RBFOX1: variants seen among roughly 807,000 people sequenced by gnomAD.
RBFOX1 encodes RNA binding fox-1 homolog 1.
Under a neutral mutation model 57.7 loss-of-function variants are expected in RBFOX1, and 8 were observed. The observed-to-expected ratio is 0.14, with a 90% CI of 0.08 to 0.25. The LOEUF (loss-of-function observed/expected upper bound fraction) is 0.25, where lower values mean the gene tolerates loss of function less well. Among genes scored for constraint, RBFOX1 ranks in the 10% least tolerant of loss-of-function variants. RBFOX1 has a pLI of 1.00. For synonymous variants in RBFOX1, 326 were observed against 222.4 expected (o/e 1.47, Z -4.15); for missense variants, 611 against 548.5 (o/e 1.11, Z -1.14).
intron 1 of RBFOX1, among the ~76,000 whole-genome samples, chr16:6,045,655 T>C (rs1489700757): frequency 6.6e-6 from 1 of 151,856 alleles, no homozygotes; most frequent in Non-Finnish European, 1.5e-5. Context: ...GTGAATGGAG[T>C]AGAAATAGAT....
chr16:7,353,030 A>G (rs1006150058), intron 4 of RBFOX1, among the ~76,000 whole-genome samples: 1 of 152,024 alleles, frequency 6.6e-6, no homozygotes, highest in Non-Finnish European at 1.5e-5. Flanking sequence ...CCACTTTTCC[A>G]TATGGCTTCA....
intron 3 of RBFOX1, among the ~76,000 whole-genome samples, chr16:6,817,418 A>G (rs111502697): frequency 3.2e-4 from 49 of 151,822 alleles, no homozygotes; most frequent in African/African-American, 1.1e-3. Flanking sequence ...TTTTAGCTGG[A>G]CGCAGTGGCT....
At position 7,196,070 on chromosome 16, in the gene RBFOX1, A is replaced by G. The variant is rs561960239; in HGVS notation, c.27+143972A>G. ...CCTCCCATAGGGAGTTTTAATTATT[A>G]TTATTATTGTTATTATTATTGTTTG... On this transcript the variant is annotated intron_variant, in intron 4 of 15. Coordinates refer to ENST00000550418, the MANE Select transcript of RBFOX1 (RefSeq NM_018723.4). Among the ~76,000 whole-genome samples, 3 of 151,768 alleles carry G rather than the reference A, an allele frequency of 2.0e-5. No individual in the cohort carries two copies. In the South Asian group the frequency reaches 6.3e-4, roughly 32 times the overall value.
At chr16:6,874,123 T>C (rs942567921) in intron 3 of RBFOX1, 3 of 152,128 alleles carry the variant, frequency 2.0e-5, no homozygotes, top group Admixed American at 6.5e-5. Flanking sequence ...TTCAGAAATA[T>C]GGAACCAGCC....
intron 4 of RBFOX1, among the ~76,000 whole-genome samples, chr16:7,359,894 G>A (rs1035606137): frequency 6.6e-6 from 1 of 151,834 alleles, no homozygotes; most frequent in African/African-American, 2.4e-5. Flanking sequence ...TGAGGCAGGG[G>A]AATGGTGTGA....
intron 4 of RBFOX1, among the ~76,000 whole-genome samples, chr16:7,127,537 T>G (rs184670968): frequency 6.6e-6 from 1 of 152,328 alleles, no homozygotes; most frequent in East Asian, 1.9e-4. Context: ...ATATGGTGTG[T>G]ACTGTATGTG....
intron 3 of RBFOX1, among the ~76,000 whole-genome samples, chr16:7,039,006 A>G (rs543858349): frequency 5.3e-5 from 8 of 150,854 alleles, no homozygotes; most frequent in African/African-American, 1.5e-4. Flanking sequence ...CTCTCTTGAT[A>G]TAAGTACCAT....
At chr16:7,535,793 C>G (rs2081327016) in intron 5 of RBFOX1, among the ~76,000 whole-genome samples, 1 of 152,168 alleles carries the variant, frequency 6.6e-6, no homozygotes, top group Non-Finnish European at 1.5e-5. Flanking sequence ...TGGCATAAAG[C>G]TATAAACTTT....
intron 3 of RBFOX1, among the ~76,000 whole-genome samples, chr16:5,783,984 T>A (rs1039831961): frequency 2.0e-5 from 3 of 152,196 alleles, no homozygotes; most frequent in Admixed American, 6.5e-5. Flanking sequence ...TACCTTGCTG[T>A]AAAAACTTAC....
At chr16:7,439,073 C>G (rs914115193) in intron 4 of RBFOX1, among the ~76,000 whole-genome samples, 1 of 152,026 alleles carries the variant, frequency 6.6e-6, no homozygotes, top group African/African-American at 2.4e-5. Flanking sequence ...CAGAGTCTCT[C>G]TGTGCACTCT....
intron 3 of RBFOX1, among the ~76,000 whole-genome samples, chr16:5,619,173 A>T (rs2048132189): frequency 6.6e-6 from 1 of 152,176 alleles, no homozygotes; most frequent in Admixed American, 6.5e-5. Flanking sequence ...CCTCAGCTCT[A>T]AGGCTATGTT....
intron 4 of RBFOX1, among the ~76,000 whole-genome samples, chr16:7,077,700 G>C (rs1196351737): frequency 6.6e-6 from 1 of 152,122 alleles, no homozygotes; most frequent in Non-Finnish European, 1.5e-5. Context: ...TATCTGTCGG[G>C]TTGATAGAAA....
chr16:5,794,942 G>A (rs2054827133), intron 3 of RBFOX1, among the ~76,000 whole-genome samples: 1 of 152,106 alleles, frequency 6.6e-6, no homozygotes. Flanking sequence ...AATTCCCCAG[G>A]CACACACCCA....
chr16:5,428,304 C>T (rs908289287), intron 1 of RBFOX1, among the ~76,000 whole-genome samples: 2 of 152,184 alleles, frequency 1.3e-5, no homozygotes, highest in Admixed American at 6.5e-5. Context: ...GAGGTTCAAG[C>T]ATCCAGCACA....
chr16:6,848,144 A>T (rs1373791800), intron 3 of RBFOX1, among the ~76,000 whole-genome samples: 2 of 151,938 alleles, frequency 1.3e-5, no homozygotes, highest in African/African-American at 4.8e-5. Context: ...AAGACTGTCT[A>T]ATGCTGTGTT....
At chr16:6,622,216 A>C (rs982176184) in intron 2 of RBFOX1, among the ~76,000 whole-genome samples, 1 of 152,216 alleles carries the variant, frequency 6.6e-6, no homozygotes, top group Non-Finnish European at 1.5e-5. Context: ...GGCATCTCTT[A>C]AGTATAGTTC....
intron 2 of RBFOX1, among the ~76,000 whole-genome samples, chr16:6,450,837 G>GTATATATATA (rs1555480732): frequency 0.11 from 2,442 of 21,788 alleles, 528 homozygotes; most frequent in East Asian, 0.41. Flanking sequence ...ATATATATAT[G>GTATATATATA]TGTATATATA....
chr16:6,978,771 C>T (rs1191655444), intron 3 of RBFOX1, among the ~76,000 whole-genome samples: 1 of 152,188 alleles, frequency 6.6e-6, no homozygotes, highest in African/African-American at 2.4e-5. Flanking sequence ...ACCCCAGTGG[C>T]CTGATTCTGG....
At chr16:5,522,041 T>A (rs2044041113) in intron 2 of RBFOX1, among the ~76,000 whole-genome samples, 1 of 152,164 alleles carries the variant, frequency 6.6e-6, no homozygotes, top group East Asian at 1.9e-4. Context: ...GGGATTCGAC[T>A]GGGGTTCTGG....
Sources: gnomAD v4.1 joint callset for allele counts (sites outside exome capture counted in the v4.1 genomes callset) on GRCh38, gnomAD v4.1.1 for gene constraint, MANE v1.5 for transcripts, NCBI Gene and HGNC (gene_info 2026-07-23, HGNC 2026-07-21) for gene names.